Variants in NEXMIF observed in about 807,000 individuals in gnomAD.
The protein encoded by NEXMIF is neurite extension and migration factor.
In NEXMIF, 8 loss-of-function variants were observed where a neutral mutation model predicts 62.1. The ratio of observed to expected loss-of-function variants is 0.13; its 90% CI spans 0.08 to 0.23. The LOEUF (loss-of-function observed/expected upper bound fraction) is 0.23, where lower values mean the gene tolerates loss of function less well. NEXMIF is among the 10% of genes least tolerant of loss of function. The pLI, the probability that NEXMIF is intolerant of heterozygous loss-of-function variation, is 1.00. For synonymous variants in NEXMIF, 404 were observed against 416.6 expected (o/e 0.97, Z 0.37); for missense variants, 976 against 1,113.3 (o/e 0.88, Z 1.75).
intron 1 of NEXMIF, among the ~76,000 whole-genome samples, chrX:74,858,617 G>A (rs905217532): frequency 9.0e-6 from 1 of 111,168 alleles, no homozygotes; most frequent in African/African-American, 3.3e-5. Flanking sequence ...AGTAGACACG[G>A]ATGAATGTCC....
chrX:74,763,248 C>A (rs1439848014), intron 1 of NEXMIF, among the ~76,000 whole-genome samples: 1 of 111,557 alleles, frequency 9.0e-6, no homozygotes, highest in Non-Finnish European at 1.9e-5. Context: ...GCTTGTTTTT[C>A]TCAGGTTTGT....
intron 1 of NEXMIF, among the ~76,000 whole-genome samples, chrX:74,861,240 T>C (rs1011057738): frequency 1.8e-5 from 2 of 111,405 alleles, no homozygotes; most frequent in African/African-American, 6.5e-5. Context: ...GAAGAAAGAA[T>C]TTCAGAGCTT....
intron 1 of NEXMIF, among the ~76,000 whole-genome samples, chrX:74,854,161 G>A (rs2080525681): frequency 1.8e-5 from 2 of 111,705 alleles, no homozygotes; most frequent in Admixed American, 9.5e-5. Context: ...GATGAATATA[G>A]ATGCAAAACT....
At chrX:74,888,450 C>T (rs2080705484) in intron 1 of NEXMIF, among the ~76,000 whole-genome samples, 1 of 109,379 alleles carries the variant, frequency 9.1e-6, no homozygotes, top group African/African-American at 3.3e-5. Flanking sequence ...GAACAGAAAA[C>T]CAAACACTGC....
chrX:74,888,662 G>T (rs1308511277), intron 1 of NEXMIF, among the ~76,000 whole-genome samples: 2 of 110,374 alleles, frequency 1.8e-5, no homozygotes, highest in Non-Finnish European at 3.8e-5. Context: ...TGCACCCTCT[G>T]CACATGTATC....
intron 1 of NEXMIF, among the ~76,000 whole-genome samples, chrX:74,880,892 C>T (rs966007204): frequency 2.7e-5 from 3 of 111,517 alleles, no homozygotes; most frequent in Non-Finnish European, 5.6e-5. Flanking sequence ...GGGTTTGTCA[C>T]AGTATCCTTT....
intron 1 of NEXMIF, among the ~76,000 whole-genome samples, chrX:74,847,194 T>C (rs978842706): frequency 8.0e-5 from 9 of 112,391 alleles, no homozygotes; most frequent in African/African-American, 2.3e-4. Context: ...TTCATAAGTC[T>C]GGGTTTTCAG....
intron 1 of NEXMIF, among the ~76,000 whole-genome samples, chrX:74,887,789 T>C (rs2080701692): frequency 8.9e-6 from 1 of 111,950 alleles, no homozygotes; most frequent in South Asian, 3.8e-4. Flanking sequence ...AGCCATCCCA[T>C]TACTGGGTAT....
intron 1 of NEXMIF, among the ~76,000 whole-genome samples, chrX:74,906,090 C>T (rs748541974): frequency 3.7e-5 from 4 of 108,988 alleles, no homozygotes; most frequent in Non-Finnish European, 5.7e-5. Flanking sequence ...GGCAAGATGA[C>T]GAGACTCTGT....
At chrX:74,808,670 G>C in intron 1 of NEXMIF, among the ~76,000 whole-genome samples, 1 of 111,987 alleles carries the variant, frequency 8.9e-6, no homozygotes, top group Non-Finnish European at 1.9e-5. Flanking sequence ...AAGTTTGGTA[G>C]AATTCACTGG....
chrX:74,866,382 G>T (rs1429011207), intron 1 of NEXMIF, among the ~76,000 whole-genome samples: 4 of 112,246 alleles, frequency 3.6e-5, no homozygotes, highest in Non-Finnish European at 7.5e-5. Context: ...ATTGTATCTA[G>T]GAAGTAACTA....
intron 1 of NEXMIF, among the ~76,000 whole-genome samples, chrX:74,894,036 A>C (rs1189837434): frequency 3.6e-5 from 4 of 111,727 alleles, no homozygotes; most frequent in African/African-American, 9.8e-5. Flanking sequence ...TCACGCTTGA[A>C]ATCCCAGAAC....
intron 1 of NEXMIF, among the ~76,000 whole-genome samples, chrX:74,861,237 G>C (rs2080556420): frequency 9.0e-6 from 1 of 111,470 alleles, no homozygotes; most frequent in South Asian, 3.7e-4. Context: ...GTAGAAGAAA[G>C]AATTTCAGAG....
In NEXMIF at chrX:74,745,590, T is replaced by C. The variant is rs1364113624; in HGVS notation, c.61A>G (p.Asn21Asp). The C allele has an allele frequency of 8.4e-7, 1 of 1,195,731 alleles. No individual in the cohort carries two copies. The highest frequency in any genetic ancestry group is 1.7e-5 in the African/African-American group (1 of 57,553). Residue 21 changes from asparagine (N) to aspartate (D), a missense_variant, in exon 2 of 4, where the codon AAT (asparagine) becomes GAT (aspartate). This residue lies in a region of NEXMIF where 126 missense variants were observed against 146.5 expected (regional missense o/e 0.86). Coordinates refer to ENST00000055682, the MANE Select transcript of NEXMIF (RefSeq NM_001008537.3). ...CCCTTACCATTTTCTTTGACCCCAT[T>C]AATCAGAGTGTTTTCTCCGTTGGCT... ...ASANGENTLI[N>D]GVKENDSEDQ...
At chrX:74,868,567 G>T (rs761857059) in intron 1 of NEXMIF, among the ~76,000 whole-genome samples, 2 of 103,479 alleles carry the variant, frequency 1.9e-5, no homozygotes, top group South Asian at 9.4e-4. Context: ...ATAAGTTGGA[G>T]CTGGACAATG....
At chrX:74,875,870 T>C (rs962377156) in intron 1 of NEXMIF, among the ~76,000 whole-genome samples, 2 of 111,923 alleles carry the variant, frequency 1.8e-5, no homozygotes, top group African/African-American at 6.5e-5. Context: ...TTGTGTCTAT[T>C]TGATTCTTCT....
chrX:74,860,776 A>G (rs1349324578), intron 1 of NEXMIF, among the ~76,000 whole-genome samples: 1 of 111,892 alleles, frequency 8.9e-6, no homozygotes, highest in African/African-American at 3.2e-5. Context: ...GTTTATAGCT[A>G]TAAGTGTGTA....
At position 74,742,260 on chromosome X, in the gene NEXMIF, C is replaced by T. The variant is rs1031348126; in HGVS notation, c.2297G>A (p.Gly766Glu). ...KANLKNEVIP[G>E]TSNSSRLSEF... ...AGATAGACGGGAACTGTTTGATGTCCCAGGAATAACTTCATTCTTTAAATT... is the reference window on the plus strand; with the variant it reads ...AGATAGACGGGAACTGTTTGATGTCTCAGGAATAACTTCATTCTTTAAATT... The change falls in exon 3 of 4, where the codon GGG becomes GAG. Residue 766 changes from glycine (G) to glutamate (E), a missense_variant. Transcript: ENST00000055682. 4 of 1,209,817 alleles carry T rather than the reference C, an allele frequency of 3.3e-6. No homozygotes were observed. Among genetic ancestry groups the T allele is most frequent in the Non-Finnish European group, 4.5e-6 (4 of 895,017 alleles).
At chrX:74,812,598 T>C (rs1052938107) in intron 1 of NEXMIF, among the ~76,000 whole-genome samples, 1 of 111,228 alleles carries the variant, frequency 9.0e-6, no homozygotes, top group African/African-American at 3.3e-5. Flanking sequence ...GATAACATGA[T>C]ACCAATAGGA....
Sources: allele counts gnomAD v4.1 joint callset (sites outside exome capture counted in the v4.1 genomes callset), GRCh38; gene constraint gnomAD v4.1.1; regional missense constraint gnomAD v4.1.1; transcripts MANE v1.5; gene names NCBI Gene and HGNC (gene_info 2026-07-23, HGNC 2026-07-21).